The following WWOX variants were observed in gnomAD, a reference collection of about 807,000 sequenced individuals.
WWOX encodes WW domain-containing oxidoreductase.
Under a neutral mutation model 46.2 loss-of-function variants are expected in WWOX, and 69 were observed. The observed-to-expected ratio is 1.49, with a 90% CI of 1.23 to 1.82. The LOEUF is 1.82. Among genes scored for constraint, WWOX ranks in the 40% most tolerant of loss-of-function variants. The probability of loss-of-function intolerance (pLI) is 0.00; values close to 1 mark genes in which losing one functional copy is unlikely to be tolerated. For missense variants in WWOX, 919 were observed against 542.6 expected, an observed-to-expected ratio of 1.69 and a Z score of -6.89; for synonymous variants, 359 against 202.6, an observed-to-expected ratio of 1.77 and a Z score of -6.56.
intron 5 of WWOX, among the ~76,000 whole-genome samples, chr16:78,268,384 A>G (rs2079410282): frequency 6.6e-6 from 1 of 151,922 alleles, no homozygotes; most frequent in African/African-American, 2.4e-5. Flanking sequence ...AGTGTAGATT[A>G]TTCTGCTCAG....
At chr16:78,714,260 C>T (rs1266317135) in intron 8 of WWOX, among the ~76,000 whole-genome samples, 1 of 152,116 alleles carries the variant, frequency 6.6e-6, no homozygotes, top group Non-Finnish European at 1.5e-5. Context: ...TTAACGGACT[C>T]ATAGTTGCAC....
At chr16:78,222,013 G>A (rs1268906018) in intron 5 of WWOX, among the ~76,000 whole-genome samples, 3 of 152,106 alleles carry the variant, frequency 2.0e-5, no homozygotes, top group East Asian at 1.9e-4. Flanking sequence ...AACTTCTGCC[G>A]AGAAAAGAAA....
rs1481369827 is a variant in WWOX, at chr16:79,211,800, G to C, written c.*4G>C. ...GCTTGGCAGCCAGTCCGGCTAAGTGGAGCTCAGAGCGGATGGGCACACACA... is the reference window on the plus strand; with the variant it reads ...GCTTGGCAGCCAGTCCGGCTAAGTGCAGCTCAGAGCGGATGGGCACACACA... On this transcript the variant is annotated 3_prime_UTR_variant, in exon 9 of 9. Transcript: ENST00000566780. The C allele has an allele frequency of 1.2e-6, 2 of 1,614,044 alleles. No homozygotes were observed. Among genetic ancestry groups the C allele is most frequent in the Non-Finnish European group, 8.5e-7 (1 of 1,179,958 alleles).
intron 8 of WWOX, among the ~76,000 whole-genome samples, chr16:78,967,590 C>T (rs576985861): frequency 4.6e-5 from 7 of 151,146 alleles, no homozygotes; most frequent in Non-Finnish European, 7.4e-5. Context: ...CAGGTGTGAG[C>T]CACTATGCCC....
At chr16:78,558,008 G>A (rs539338870) in intron 8 of WWOX, among the ~76,000 whole-genome samples, 2 of 152,180 alleles carry the variant, frequency 1.3e-5, no homozygotes, top group South Asian at 4.1e-4. Flanking sequence ...CTTTTTCAGA[G>A]CCTGGAACAG....
intron 8 of WWOX, among the ~76,000 whole-genome samples, chr16:78,912,927 G>C (rs1316183961): frequency 6.6e-6 from 1 of 151,968 alleles, no homozygotes; most frequent in Non-Finnish European, 1.5e-5. Flanking sequence ...CAGAGCAAGA[G>C]AAACCTCGAA....
intron 6 of WWOX, among the ~76,000 whole-genome samples, chr16:78,396,995 T>C (rs2082302589): frequency 6.6e-6 from 1 of 152,204 alleles, no homozygotes; most frequent in South Asian, 2.1e-4. Context: ...AGCACCCTTT[T>C]TCATCATGAG....
At chr16:79,209,822 G>A (rs1372376552) in intron 8 of WWOX, among the ~76,000 whole-genome samples, 4 of 152,190 alleles carry the variant, frequency 2.6e-5, no homozygotes, top group Non-Finnish European at 5.9e-5. Flanking sequence ...AAGTTGTTTA[G>A]ATAAATGTGC....
chr16:78,425,084 T>C (rs1318492854), intron 7 of WWOX, 29 bp downstream of exon 7: 1 of 1,611,910 alleles, frequency 6.2e-7, no homozygotes, highest in African/African-American at 1.3e-5. Context: ...TTTGTTCACT[T>C]ATCCCCTTTC....
At chr16:78,627,380 G>A (rs771570518) in intron 8 of WWOX, among the ~76,000 whole-genome samples, 13 of 152,092 alleles carry the variant, frequency 8.5e-5, no homozygotes, top group African/African-American at 7.2e-5. Context: ...CCCAAACTTG[G>A]GCGATTCAGT....
chr16:78,971,131 A>T (rs900360456), intron 8 of WWOX, among the ~76,000 whole-genome samples: 1 of 152,048 alleles, frequency 6.6e-6, no homozygotes, highest in Non-Finnish European at 1.5e-5. Flanking sequence ...TGTGAGCCAT[A>T]TGCTTTATTC....
chr16:79,132,803 C>T (rs1471636429), intron 8 of WWOX, among the ~76,000 whole-genome samples: 1 of 152,166 alleles, frequency 6.6e-6, no homozygotes, highest in African/African-American at 2.4e-5. Flanking sequence ...AATGACTTTT[C>T]AAAAGAGAGT....
At chr16:78,280,334 A>G (rs532290821) in intron 5 of WWOX, among the ~76,000 whole-genome samples, 11 of 152,330 alleles carry the variant, frequency 7.2e-5, no homozygotes, top group East Asian at 1.9e-4. Context: ...ATGTTTTAAG[A>G]TTAACATATT....
At chr16:78,942,991 C>G (rs574675515) in intron 8 of WWOX, among the ~76,000 whole-genome samples, 1 of 152,200 alleles carries the variant, frequency 6.6e-6, no homozygotes, top group Non-Finnish European at 1.5e-5. Flanking sequence ...ATCAGATCAA[C>G]TTTGAATGAA....
intron 5 of WWOX, among the ~76,000 whole-genome samples, chr16:78,180,489 A>G (rs181022690): frequency 2.6e-5 from 4 of 151,580 alleles, no homozygotes; most frequent in Admixed American, 2.6e-4. Context: ...TGGGGTATAC[A>G]TGAGTGCTAT....
intron 5 of WWOX, among the ~76,000 whole-genome samples, chr16:78,251,636 A>G (rs905701530): frequency 5.9e-5 from 9 of 152,202 alleles, no homozygotes; most frequent in Non-Finnish European, 1.5e-5. Flanking sequence ...CTTACACCCG[A>G]GAAGATTCAA....
chr16:78,231,604 T>C (rs749315167), intron 5 of WWOX, among the ~76,000 whole-genome samples: 6 of 152,218 alleles, frequency 3.9e-5, no homozygotes, highest in Admixed American at 6.5e-5. Flanking sequence ...GTGTTTTTCA[T>C]TGTTAACGTG....
chr16:78,167,609 C>G (rs955301516), intron 5 of WWOX: 3 of 152,146 alleles, frequency 2.0e-5, no homozygotes, highest in Non-Finnish European at 4.4e-5. Flanking sequence ...TGTTCATCAT[C>G]TCTCATCTTT....
At chr16:78,765,732 G>A (rs915653715) in intron 8 of WWOX, among the ~76,000 whole-genome samples, 1 of 152,152 alleles carries the variant, frequency 6.6e-6, no homozygotes, top group African/African-American at 2.4e-5. Context: ...AGTTCACTCT[G>A]GCAGTTGTGC....
Sources: gnomAD v4.1 joint callset for allele counts (sites outside exome capture counted in the v4.1 genomes callset) on GRCh38, gnomAD v4.1.1 for gene constraint, MANE v1.5 for transcripts, NCBI Gene and HGNC (gene_info 2026-07-23, HGNC 2026-07-21) for gene names.